CSNK2A2IP: variants seen among roughly 807,000 people sequenced by gnomAD.
CSNK2A2IP encodes the protein casein kinase 2 subunit alpha' interacting protein.
At chr3:88,427,499 T>C in the CSNK2A2IP span, among the ~76,000 whole-genome samples, 1 of 152,196 alleles carries the variant, frequency 6.6e-6, no homozygotes, top group African/African-American at 2.4e-5. Context: ...GAGACTTCTA[T>C]GGCAGCCCCT....
At chr3:88,414,730 A>G in the CSNK2A2IP span, among the ~76,000 whole-genome samples, 15 of 152,156 alleles carry the variant, frequency 9.9e-5, no homozygotes, top group South Asian at 2.7e-3. Context: ...GAATGACTGC[A>G]AAATTAATAG....
At chr3:88,406,834 C>T in the CSNK2A2IP span, among the ~76,000 whole-genome samples, 1 of 152,062 alleles carries the variant, frequency 6.6e-6, no homozygotes, top group Admixed American at 6.5e-5. Context: ...TTGCGGCAGA[C>T]CGATGTAGCC....
the CSNK2A2IP span, among the ~76,000 whole-genome samples, chr3:88,382,022 A>G: frequency 6.6e-6 from 1 of 152,234 alleles, no homozygotes; most frequent in Non-Finnish European, 1.5e-5. Flanking sequence ...GAAAGTGACC[A>G]CAGGCAACCA....
the CSNK2A2IP span, among the ~76,000 whole-genome samples, chr3:88,338,909 T>C: frequency 5.2e-3 from 789 of 152,258 alleles, 8 homozygotes; most frequent in African/African-American, 0.018. Context: ...TTTTTTTAAT[T>C]TAATTTTTAA....
the CSNK2A2IP span, among the ~76,000 whole-genome samples, chr3:88,422,142 T>G: frequency 5.3e-5 from 8 of 152,230 alleles, no homozygotes; most frequent in African/African-American, 1.9e-4. Context: ...GACTTTTTTT[T>G]GTAAGTAACT....
At chr3:88,460,029 T>C in the CSNK2A2IP span, among the ~76,000 whole-genome samples, 9 of 152,164 alleles carry the variant, frequency 5.9e-5, no homozygotes, top group African/African-American at 1.9e-4. Flanking sequence ...CATACAGCAG[T>C]TTCATAGAAC....
the CSNK2A2IP span, among the ~76,000 whole-genome samples, chr3:88,457,869 A>C: frequency 1.3e-5 from 2 of 151,944 alleles, no homozygotes; most frequent in Admixed American, 1.3e-4. Context: ...AGGGTCATCA[A>C]CGAAGTCATC....
At chr3:88,363,343 T>C in the CSNK2A2IP span, among the ~76,000 whole-genome samples, 1 of 152,210 alleles carries the variant, frequency 6.6e-6, no homozygotes, top group Non-Finnish European at 1.5e-5. Context: ...ATTAATCCTA[T>C]TCAGTGTATT....
At chr3:88,370,522 T>C in the CSNK2A2IP span, among the ~76,000 whole-genome samples, 186 of 151,848 alleles carry the variant, frequency 1.2e-3, no homozygotes, top group African/African-American at 3.2e-3. Flanking sequence ...CTCCCTTCCA[T>C]GAAGGGACAC....
At chr3:88,449,874 T>TATAGAGAGAGAGAGAG in the CSNK2A2IP span, among the ~76,000 whole-genome samples, 2 of 70,106 alleles carry the variant, frequency 2.9e-5, no homozygotes, top group African/African-American at 9.3e-5. Flanking sequence ...TATATATATA[T>TATAGAGAGAGAGAGAG]AGAGAGAGAG....
chr3:88,383,387 AATG>A, the CSNK2A2IP span, among the ~76,000 whole-genome samples: 1 of 152,200 alleles, frequency 6.6e-6, no homozygotes, highest in Admixed American at 6.5e-5. Context: ...TAATCTATAA[AATG>A]ATGATGACAA....
the CSNK2A2IP span, among the ~76,000 whole-genome samples, chr3:88,390,125 A>C: frequency 3.3e-5 from 5 of 152,020 alleles, no homozygotes; most frequent in Non-Finnish European, 5.9e-5. Flanking sequence ...CTTCTTGGGG[A>C]GGAGGGTGGT....
the CSNK2A2IP span, among the ~76,000 whole-genome samples, chr3:88,416,465 C>T: frequency 6.6e-6 from 1 of 152,016 alleles, no homozygotes; most frequent in African/African-American, 2.4e-5. Context: ...GATAAGGAGA[C>T]CCAACAGCAT....
At chr3:88,361,793 T>C in the CSNK2A2IP span, among the ~76,000 whole-genome samples, 1 of 152,044 alleles carries the variant, frequency 6.6e-6, no homozygotes, top group East Asian at 1.9e-4. Context: ...GTATATTTCA[T>C]TTTTCTTTTT....
chr3:88,387,245 T>C, the CSNK2A2IP span, among the ~76,000 whole-genome samples: 1 of 150,102 alleles, frequency 6.7e-6, no homozygotes, highest in African/African-American at 2.5e-5. Flanking sequence ...CATTGCAGCC[T>C]CCGCCTCCTG....
chr3:88,380,986 C>G, the CSNK2A2IP span, among the ~76,000 whole-genome samples: 1 of 152,144 alleles, frequency 6.6e-6, no homozygotes, highest in East Asian at 1.9e-4. Flanking sequence ...CATGTGTAAA[C>G]AGGGTGCCAG....
At chr3:88,429,997 G>A in the CSNK2A2IP span, among the ~76,000 whole-genome samples, 4 of 151,352 alleles carry the variant, frequency 2.6e-5, no homozygotes, top group Admixed American at 2.6e-4. Context: ...TCCTGACCTC[G>A]TGATCCTCCT....
the CSNK2A2IP span, among the ~76,000 whole-genome samples, chr3:88,339,988 A>T: frequency 6.6e-6 from 1 of 152,024 alleles, no homozygotes; most frequent in African/African-American, 2.4e-5. Flanking sequence ...GTTTTTAGAT[A>T]TGCATTGGTC....
chr3:88,464,764 C>T, the CSNK2A2IP span, among the ~76,000 whole-genome samples: 2 of 151,908 alleles, frequency 1.3e-5, no homozygotes, highest in Non-Finnish European at 2.9e-5. Context: ...TTTACAAATG[C>T]AATAATTAAA....
Sources: gnomAD v4.1 joint callset for allele counts (sites outside exome capture counted in the v4.1 genomes callset) on GRCh38, gnomAD v4.1.1 for gene constraint, MANE v1.5 for transcripts, NCBI Gene and HGNC (gene_info 2026-07-23, HGNC 2026-07-21) for gene names.